Variants in PCDH7 observed in about 807,000 individuals in gnomAD.
PCDH7 encodes protocadherin-7.
A neutral mutation model predicts 58.9 loss-of-function variants in PCDH7; 17 were observed. That is an observed-to-expected ratio of 0.29 (90% CI 0.20 to 0.43). PCDH7 has a LOEUF of 0.43. Among genes scored for constraint, PCDH7 ranks in the 20% least tolerant of loss-of-function variants. PCDH7 has a pLI of 1.00. For synonymous variants in PCDH7, 664 were observed against 616.4 expected, an observed-to-expected ratio of 1.08 and a Z score of -1.14; for missense variants, 1,274 against 1,441.0, an observed-to-expected ratio of 0.88 and a Z score of 1.88.
chr4:30,838,308 A>G (rs6812478), intron 1 of PCDH7, among the ~76,000 whole-genome samples: 5,776 of 152,116 alleles, frequency 0.038, 358 homozygotes, highest in African/African-American at 0.13. Flanking sequence ...TAGGAATTTG[A>G]TATACATTTT....
chr4:30,882,609 C>A (rs1737130754), intron 1 of PCDH7, among the ~76,000 whole-genome samples: 4 of 152,096 alleles, frequency 2.6e-5, no homozygotes, highest in African/African-American at 7.2e-5. Flanking sequence ...TTTCTTCGTA[C>A]CAGTTGGTAA....
At chr4:31,145,173 C>A (rs139464968), downstream of PCDH7, 2 of 151,848 alleles carry the variant, frequency 1.3e-5, no homozygotes. Context: ...ACCGGACCTT[C>A]GGATTAATTG....
intron 1 of PCDH7, among the ~76,000 whole-genome samples, chr4:30,785,254 A>T (rs1257363505): frequency 6.6e-6 from 1 of 152,028 alleles, no homozygotes; most frequent in Non-Finnish European, 1.5e-5. Flanking sequence ...TGGTTAGTAA[A>T]TAACGCACGA....
chr4:31,136,399 C>T (rs961798149), intron 3 of PCDH7, among the ~76,000 whole-genome samples: 108 of 152,300 alleles, frequency 7.1e-4, no homozygotes, highest in African/African-American at 2.4e-3. Context: ...TGGAATCACA[C>T]TGAGCAATAC....
At chr4:30,911,946 A>C (rs1038734891) in intron 1 of PCDH7, among the ~76,000 whole-genome samples, 1 of 152,138 alleles carries the variant, frequency 6.6e-6, no homozygotes, top group Admixed American at 6.6e-5. Context: ...TAATCACTGG[A>C]CTAAGAATTA....
At chr4:30,724,675 T>C in intron 1 of PCDH7, 79 bp downstream of exon 1, 1 of 1,496,172 alleles carries the variant, frequency 6.7e-7, no homozygotes, top group Non-Finnish European at 8.9e-7. Flanking sequence ...TGTAAAGTTT[T>C]GTCTTCTCGT....
chr4:31,112,154 T>C (rs1362602838), intron 3 of PCDH7, among the ~76,000 whole-genome samples: 1 of 152,214 alleles, frequency 6.6e-6, no homozygotes, highest in African/African-American at 2.4e-5. Context: ...TATACTAACT[T>C]GCCACTTAGT....
intron 3 of PCDH7, among the ~76,000 whole-genome samples, chr4:30,991,570 A>T (rs556908687): frequency 6.6e-6 from 1 of 152,308 alleles, no homozygotes; most frequent in Non-Finnish European, 1.5e-5. Flanking sequence ...AGTAGTTATC[A>T]TATGGGACAG....
intron 3 of PCDH7, among the ~76,000 whole-genome samples, chr4:31,077,740 T>C (rs1349246218): frequency 6.6e-6 from 1 of 152,152 alleles, no homozygotes; most frequent in Non-Finnish European, 1.5e-5. Context: ...GGAAAGCACA[T>C]TTTATATGAC....
rs1464732251 is a variant in PCDH7, at chr4:30,722,277, C to A, written c.855C>A (p.Asp285Glu). The change falls in exon 1 of 2, where the codon GAC becomes GAA. Residue 285 changes from aspartate to glutamate, a missense_variant. This residue lies in a region of PCDH7 where 331 missense variants were observed against 303.2 expected (regional missense o/e 1.09). Transcript: ENST00000361762. The surrounding 1 kb of genome is among the most constrained non-coding windows in gnomAD (Gnocchi z 7.6). ...CCCTGCGAGTGCGCGACGGCGGCGA[C>A]CCGCCTCGCTCCTCGCAGGCCATCC... is the stretch of plus-strand genomic sequence containing the variant. 12 of 1,600,892 alleles carry A rather than the reference C, an allele frequency of 7.5e-6. No homozygotes were observed. The highest frequency in any genetic ancestry group is 1.6e-4 in the Middle Eastern group (1 of 6,066).
chr4:30,966,782 T>G (rs915758903), intron 3 of PCDH7, among the ~76,000 whole-genome samples: 3 of 152,068 alleles, frequency 2.0e-5, no homozygotes, highest in African/African-American at 7.2e-5. Context: ...TGCATCAAAT[T>G]AGTGTTAAAG....
intron 1 of PCDH7, among the ~76,000 whole-genome samples, chr4:30,808,506 A>G (rs1165080376): frequency 6.6e-6 from 1 of 152,114 alleles, no homozygotes. Context: ...TTTTCACTAC[A>G]AAGAGTGGAG....
At chr4:30,959,932 C>T (rs1748220687) in intron 3 of PCDH7, among the ~76,000 whole-genome samples, 1 of 152,018 alleles carries the variant, frequency 6.6e-6, no homozygotes. Flanking sequence ...GAGAGCCAAG[C>T]ACTTACACTG....
At chr4:30,780,775 T>A (rs1722678393) in intron 1 of PCDH7, among the ~76,000 whole-genome samples, 1 of 152,168 alleles carries the variant, frequency 6.6e-6, no homozygotes, top group South Asian at 2.1e-4. Context: ...TTTGTTTGTT[T>A]TTTCTTAGTA....
chr4:31,074,409 G>A (rs1031735453), intron 3 of PCDH7, among the ~76,000 whole-genome samples: 2 of 151,906 alleles, frequency 1.3e-5, no homozygotes, highest in South Asian at 4.1e-4. Flanking sequence ...ATGACAGCGA[G>A]TACAAACTAT....
chr4:30,877,063 A>G (rs1421379005), intron 1 of PCDH7, among the ~76,000 whole-genome samples: 5 of 152,102 alleles, frequency 3.3e-5, no homozygotes, highest in Non-Finnish European at 7.4e-5. Context: ...GACTAAAGTC[A>G]TCTTAGTAGT....
At chr4:30,854,328 A>C (rs374260978) in intron 1 of PCDH7, among the ~76,000 whole-genome samples, 1 of 148,410 alleles carries the variant, frequency 6.7e-6, no homozygotes, top group Non-Finnish European at 1.5e-5. Context: ...ACCTTCTTCC[A>C]TCATTGACAG....
At chr4:30,938,713 T>G (rs1745664274) in intron 2 of PCDH7, among the ~76,000 whole-genome samples, 1 of 152,162 alleles carries the variant, frequency 6.6e-6, no homozygotes, top group African/African-American at 2.4e-5. Flanking sequence ...TCAAGTAATA[T>G]TTTTATAATA....
chr4:30,821,945 G>A (rs1470382453), intron 1 of PCDH7, among the ~76,000 whole-genome samples: 1 of 152,170 alleles, frequency 6.6e-6, no homozygotes, highest in African/African-American at 2.4e-5. Context: ...TCTGAGCTAT[G>A]TTCCTCGATG....
Sources: gnomAD v4.1 joint callset for allele counts (sites outside exome capture counted in the v4.1 genomes callset) on GRCh38, gnomAD v4.1.1 for gene constraint, gnomAD v4.1.1 regional missense constraint, Gnocchi (gnomAD v3.1) non-coding constraint, MANE v1.5 for transcripts, NCBI Gene and HGNC (gene_info 2026-07-23, HGNC 2026-07-21) for gene names.